CSMD3: variants seen among roughly 807,000 people sequenced by gnomAD.
CSMD3 encodes the protein CUB and Sushi multiple domains 3, also known as CUB and sushi domain-containing protein 3.
A neutral mutation model predicts 435.2 loss-of-function variants in CSMD3; 177 were observed. The ratio of observed to expected loss-of-function variants is 0.41; its 90% CI spans 0.36 to 0.46. The LOEUF is 0.46. Ranked by LOEUF, CSMD3 falls within the 20% of genes least tolerant of loss-of-function variation. The pLI is 0.34. For missense variants in CSMD3, 4,265 were observed against 4,504.6 expected, an observed-to-expected ratio of 0.95 and a Z score of 1.52; for synonymous variants, 1,656 against 1,520.5, an observed-to-expected ratio of 1.09 and a Z score of -2.07.
At chr8:112,281,908 T>C (rs1325771934) in intron 58 of CSMD3, among the ~76,000 whole-genome samples, 1 of 152,106 alleles carries the variant, frequency 6.6e-6, no homozygotes, top group Non-Finnish European at 1.5e-5. Context: ...AACAAAGTAA[T>C]TAAATATTAG....
At chr8:112,927,863 G>A (rs1045900129) in intron 9 of CSMD3, among the ~76,000 whole-genome samples, 4 of 151,980 alleles carry the variant, frequency 2.6e-5, no homozygotes, top group African/African-American at 4.8e-5. Flanking sequence ...TTACACTGTT[G>A]GTTATAATCA....
intron 65 of CSMD3, among the ~76,000 whole-genome samples, chr8:112,243,516 G>A (rs1814379418): frequency 1.3e-5 from 2 of 151,990 alleles, no homozygotes; most frequent in African/African-American, 4.8e-5. Context: ...CCCAGATCTG[G>A]TCCAAATATT....
intron 13 of CSMD3, among the ~76,000 whole-genome samples, chr8:112,757,878 A>AC (rs765590889): frequency 6.6e-5 from 10 of 151,668 alleles, no homozygotes; most frequent in Non-Finnish European, 1.5e-4. Context: ...ACATGACGAG[A>AC]CCCCATCTCT....
chr8:113,119,094 T>C (rs1400936082), intron 4 of CSMD3, among the ~76,000 whole-genome samples: 1 of 152,168 alleles, frequency 6.6e-6, no homozygotes, highest in Non-Finnish European at 1.5e-5. Flanking sequence ...CAGAGCTGGG[T>C]TGCTTAAAAA....
intron 24 of CSMD3, among the ~76,000 whole-genome samples, chr8:112,557,166 A>G (rs1429166590): frequency 6.6e-6 from 1 of 151,796 alleles, no homozygotes; most frequent in African/African-American, 2.4e-5. Context: ...GAAGTTTATC[A>G]ATGATACCCC....
rs73344667 is a variant in CSMD3 at position 112,723,827 on chromosome 8, T to A, written c.1973-33777A>T. ...TTCATGAAAAGATTAAGCAAGGTAA[T>A]CAACACAGCACACAGCATGGTACAT... On this transcript the variant is annotated intron_variant, in intron 13 of 70. Coordinates refer to ENST00000297405, the MANE Select transcript of CSMD3 (RefSeq NM_198123.2). Among the ~76,000 whole-genome samples, 450 of 152,090 alleles carry A rather than the reference T, an allele frequency of 3.0e-3. 1 individual carries two copies. Among genetic ancestry groups the A allele is most frequent in the African/African-American group, 0.01 (417 of 41,510 alleles).
intron 4 of CSMD3, among the ~76,000 whole-genome samples, chr8:113,125,472 T>C (rs774295318): frequency 6.6e-6 from 1 of 151,924 alleles, no homozygotes; most frequent in East Asian, 1.9e-4. Context: ...TTACAGTACA[T>C]GGGAAATGAG....
intron 14 of CSMD3, among the ~76,000 whole-genome samples, chr8:112,689,418 G>A (rs1273328359): frequency 2.0e-5 from 3 of 151,752 alleles, no homozygotes; most frequent in Admixed American, 6.6e-5. Flanking sequence ...TAAAAAAATG[G>A]CACCTCATGC....
rs561614818 is a variant in CSMD3, at chr8:113,170,360, G to T, written c.709+3362C>A. On this transcript the variant is annotated intron_variant, in intron 4 of 70. Transcript: ENST00000297405. ...TTAGATCATGTGCTCTATGAAGTAT[G>T]ACTTAGACTCTACCTTTAGCCAGTG... Among the ~76,000 whole-genome samples, 10 of 152,258 alleles carry T rather than the reference G, an allele frequency of 6.6e-5. No homozygotes were observed. The South Asian group carries it at 2.1e-3, about 32-fold the overall frequency.
intron 36 of CSMD3, among the ~76,000 whole-genome samples, chr8:112,387,567 A>T (rs932572391): frequency 6.6e-6 from 1 of 151,684 alleles, no homozygotes; most frequent in Non-Finnish European, 1.5e-5. Context: ...GTTAATTAGA[A>T]AAAGGTCCTT....
At chr8:112,807,406 A>C (rs1478777925) in intron 12 of CSMD3, among the ~76,000 whole-genome samples, 1 of 152,124 alleles carries the variant, frequency 6.6e-6, no homozygotes, top group African/African-American at 2.4e-5. Flanking sequence ...CTTATACGAC[A>C]TTTTGAAAGC....
Position 112,250,679 on chromosome 8 carries a change from T to C in CSMD3, c.10111-3548A>G, listed in dbSNP as rs545451448. On this transcript the variant is annotated intron_variant, in intron 63 of 70. Coordinates refer to ENST00000297405, the MANE Select transcript of CSMD3 (RefSeq NM_198123.2). ...AAAAAATTCTTGGAAAAATAACTTA[T>C]GTACAATTTTTTCACCAATATTTAC... 3.3e-5 allele frequency among the ~76,000 whole-genome samples: 5 copies of C among 151,874 alleles called. No individual in the cohort carries two copies. In the East Asian group the frequency reaches 5.8e-4, roughly 18 times the overall value.
intron 2 of CSMD3, among the ~76,000 whole-genome samples, chr8:113,302,711 C>T (rs1397434398): frequency 5.3e-5 from 8 of 150,520 alleles, no homozygotes; most frequent in African/African-American, 2.0e-4. Flanking sequence ...AATTCAACAA[C>T]CCTTCATGCT....
chr8:112,742,901 ATAGT>A (rs2077343567), intron 13 of CSMD3, among the ~76,000 whole-genome samples: 1 of 152,012 alleles, frequency 6.6e-6, no homozygotes, highest in African/African-American at 2.4e-5. Flanking sequence ...TGTGGCCTGT[ATAGT>A]CACACAGGGT....
At chr8:112,478,304 T>C (rs1242208398) in intron 31 of CSMD3, among the ~76,000 whole-genome samples, 1 of 152,104 alleles carries the variant, frequency 6.6e-6, no homozygotes, top group African/African-American at 2.4e-5. Flanking sequence ...TGGGCAAAGG[T>C]TCAAAGAGTT....
chr8:113,383,293 C>T (rs184777556), intron 1 of CSMD3, among the ~76,000 whole-genome samples: 1 of 152,226 alleles, frequency 6.6e-6, no homozygotes, highest in East Asian at 1.9e-4. Context: ...AAGGTAGTTA[C>T]CTGTGCAAAT....
At chr8:112,926,306 A>G (rs1398838908) in intron 9 of CSMD3, among the ~76,000 whole-genome samples, 1 of 151,916 alleles carries the variant, frequency 6.6e-6, no homozygotes, top group Non-Finnish European at 1.5e-5. Context: ...GAAAGTATTC[A>G]GTTACCATGA....
intron 3 of CSMD3, among the ~76,000 whole-genome samples, chr8:113,239,783 A>G (rs756472139): frequency 6.6e-5 from 10 of 152,192 alleles, no homozygotes; most frequent in Non-Finnish European, 2.9e-5. Context: ...AGAAAAAACA[A>G]TATTGGAGAG....
At chr8:112,591,967 C>G (rs375679716) in intron 22 of CSMD3, among the ~76,000 whole-genome samples, 2 of 152,026 alleles carry the variant, frequency 1.3e-5, no homozygotes, top group East Asian at 3.9e-4. Context: ...TGCCAATACA[C>G]TATAATAGTC....
Sources: gnomAD v4.1 joint callset for allele counts (sites outside exome capture counted in the v4.1 genomes callset) on GRCh38, gnomAD v4.1.1 for gene constraint, MANE v1.5 for transcripts, NCBI Gene and HGNC (gene_info 2026-07-23, HGNC 2026-07-21) for gene names.